DPP10: variants seen among roughly 807,000 people sequenced by gnomAD.
DPP10 encodes inactive dipeptidyl peptidase 10.
In DPP10, 33 loss-of-function variants were observed where a neutral mutation model predicts 120.9. That is an observed-to-expected ratio of 0.27 (90% CI 0.21 to 0.37). The LOEUF (loss-of-function observed/expected upper bound fraction) is 0.37, where lower values mean the gene tolerates loss of function less well. Ranked by LOEUF, DPP10 falls within the 10% of genes least tolerant of loss-of-function variation. DPP10 has a pLI of 1.00. For missense variants in DPP10, 816 were observed against 942.8 expected (o/e 0.87, Z 1.76); for synonymous variants, 337 against 326.1 (o/e 1.03, Z -0.36).
intron 7 of DPP10, among the ~76,000 whole-genome samples, chr2:115,725,243 C>G (rs2092736935): frequency 6.6e-6 from 1 of 152,146 alleles, no homozygotes; most frequent in Non-Finnish European, 1.5e-5. Context: ...TCAGAGTGCT[C>G]AGACAGTACC....
intron 1 of DPP10, among the ~76,000 whole-genome samples, chr2:114,575,483 A>C (rs1213603311): frequency 2.6e-5 from 4 of 152,230 alleles, no homozygotes; most frequent in African/African-American, 9.6e-5. Context: ...GATGACAAAA[A>C]TTAGAAAGGT....
intron 19 of DPP10, among the ~76,000 whole-genome samples, chr2:115,804,947 C>G (rs1007366394): frequency 5.3e-5 from 8 of 152,224 alleles, no homozygotes; most frequent in Admixed American, 2.0e-4. Context: ...AACTACTACT[C>G]TCTTCAAAGC....
At chr2:114,556,047 C>A (rs1688267847) in intron 1 of DPP10, among the ~76,000 whole-genome samples, 1 of 151,630 alleles carries the variant, frequency 6.6e-6, no homozygotes, top group Admixed American at 6.6e-5. Context: ...AAGGAGATGG[C>A]AGAAGGAATT....
At chr2:115,654,075 T>A (rs2088058778) in intron 5 of DPP10, among the ~76,000 whole-genome samples, 1 of 151,858 alleles carries the variant, frequency 6.6e-6, no homozygotes. Context: ...TCTAATTATA[T>A]CAGAAATATT....
At chr2:115,476,705 A>G (rs1232761230) in intron 3 of DPP10, among the ~76,000 whole-genome samples, 2 of 152,164 alleles carry the variant, frequency 1.3e-5, no homozygotes, top group Non-Finnish European at 2.9e-5. Flanking sequence ...GGGGAATGAC[A>G]TTCAGTATGA....
chr2:114,591,554 A>ATTTTTTTTTTTTTTTTTTTTTTTTTTT (rs70937292), intron 1 of DPP10, among the ~76,000 whole-genome samples: 1 of 124,604 alleles, frequency 8.0e-6, no homozygotes, highest in Non-Finnish European at 1.7e-5. Context: ...ACCTCTTCCT[A>ATTTTTTTTTTTTTTTTTTTTTTTTTTT]TTTTTTTTTT....
intron 1 of DPP10, among the ~76,000 whole-genome samples, chr2:114,535,483 C>G (rs1195864753): frequency 6.6e-6 from 1 of 152,140 alleles, no homozygotes. Context: ...CAGATGTTCT[C>G]TAAACATATT....
chr2:115,106,184 A>G (rs1323107377), intron 1 of DPP10, among the ~76,000 whole-genome samples: 2 of 152,214 alleles, frequency 1.3e-5, no homozygotes, highest in Non-Finnish European at 2.9e-5. Flanking sequence ...CATGTCTCTG[A>G]TAATGTCACT....
chr2:114,720,458 G>A (rs932349211), intron 1 of DPP10, among the ~76,000 whole-genome samples: 1 of 152,038 alleles, frequency 6.6e-6, no homozygotes, highest in African/African-American at 2.4e-5. Flanking sequence ...TCTTCTTAAG[G>A]TCTTCAGTTA....
At chr2:114,907,971 A>G (rs1694097546) in intron 1 of DPP10, among the ~76,000 whole-genome samples, 1 of 151,822 alleles carries the variant, frequency 6.6e-6, no homozygotes, top group Non-Finnish European at 1.5e-5. Context: ...TTTAAATATA[A>G]TTTTGGCTTC....
intron 1 of DPP10, among the ~76,000 whole-genome samples, chr2:115,127,623 A>C (rs2050143657): frequency 6.6e-6 from 1 of 152,266 alleles, no homozygotes; most frequent in African/African-American, 2.4e-5. Context: ...TGTAGTCCAA[A>C]AAGAAAGAAT....
At chr2:115,732,434 TA>T (rs1269019786) in intron 8 of DPP10, among the ~76,000 whole-genome samples, 1 of 152,130 alleles carries the variant, frequency 6.6e-6, no homozygotes, top group Non-Finnish European at 1.5e-5. Flanking sequence ...CTAAAGAAAG[TA>T]AAGCAATATA....
intron 7 of DPP10, among the ~76,000 whole-genome samples, chr2:115,697,039 G>A (rs1559042775): frequency 6.6e-6 from 1 of 151,996 alleles, no homozygotes; most frequent in African/African-American, 2.4e-5. Flanking sequence ...TTATGATGTT[G>A]CATGGAACCG....
chr2:114,456,155 G>C (rs1291661835), intron 1 of DPP10, among the ~76,000 whole-genome samples: 1 of 152,146 alleles, frequency 6.6e-6, no homozygotes, highest in Non-Finnish European at 1.5e-5. Context: ...TGTAAGGGGA[G>C]GCCCACCTGG....
At chr2:114,898,655 G>C (rs1314109251) in intron 1 of DPP10, among the ~76,000 whole-genome samples, 1 of 151,996 alleles carries the variant, frequency 6.6e-6, no homozygotes, top group African/African-American at 2.4e-5. Context: ...ATATTGGGTA[G>C]GACAATTAGT....
intron 3 of DPP10, among the ~76,000 whole-genome samples, chr2:115,389,890 C>G (rs2067209996): frequency 6.6e-6 from 1 of 151,852 alleles, no homozygotes; most frequent in African/African-American, 2.4e-5. Context: ...TTTAGCATTC[C>G]CATTTGTTGT....
intron 1 of DPP10, chr2:115,145,086 T>C (rs1455501892): frequency 2.0e-5 from 3 of 152,112 alleles, no homozygotes; most frequent in Non-Finnish European, 4.4e-5. Context: ...ATCAAAAAGT[T>C]TGTAATTATT....
chr2:114,678,321 C>T (rs916489881), intron 1 of DPP10, among the ~76,000 whole-genome samples: 3 of 151,952 alleles, frequency 2.0e-5, no homozygotes, highest in African/African-American at 4.8e-5. Context: ...TTTTTCATTG[C>T]TATTGTTTGA....
chr2:114,643,688 T>C (rs1695884587), intron 1 of DPP10, among the ~76,000 whole-genome samples: 2 of 151,822 alleles, frequency 1.3e-5, no homozygotes, highest in South Asian at 4.1e-4. Context: ...CAATCAGTAA[T>C]GCACTTCTAA....
Sources: gnomAD v4.1 joint callset for allele counts (sites outside exome capture counted in the v4.1 genomes callset) on GRCh38, gnomAD v4.1.1 for gene constraint, MANE v1.5 for transcripts, NCBI Gene and HGNC (gene_info 2026-07-23, HGNC 2026-07-21) for gene names.